The following KIAA1217 variants were observed in gnomAD, a reference collection of about 807,000 sequenced individuals.
The protein encoded by KIAA1217 is KIAA1217.
In KIAA1217, 88 loss-of-function variants were observed where a neutral mutation model predicts 163.9. The ratio of observed to expected loss-of-function variants is 0.54; its 90% CI spans 0.45 to 0.64. KIAA1217 has a LOEUF of 0.64. KIAA1217 is among the 30% of genes least tolerant of loss of function. KIAA1217 has a pLI of 0.00. For missense variants in KIAA1217, 2,372 were observed against 2,475.0 expected (o/e 0.96, Z 0.88); for synonymous variants, 903 against 923.1 (o/e 0.98, Z 0.39).
intron 3 of KIAA1217, among the ~76,000 whole-genome samples, chr10:24,391,685 G>A (rs1244895338): frequency 6.6e-6 from 1 of 152,126 alleles, no homozygotes; most frequent in Non-Finnish European, 1.5e-5. Context: ...CAGCCAGGCT[G>A]TTGTTAAACC....
At chr10:24,213,207 A>G (rs1343723021) in intron 1 of KIAA1217, among the ~76,000 whole-genome samples, 2 of 152,136 alleles carry the variant, frequency 1.3e-5, no homozygotes, top group East Asian at 3.9e-4. Context: ...GGCACTCAAC[A>G]ATTATTGGTG....
intron 2 of KIAA1217, among the ~76,000 whole-genome samples, chr10:24,057,780 T>A (rs568840279): frequency 2.0e-5 from 3 of 152,208 alleles, no homozygotes. Flanking sequence ...CCGTAGGTGT[T>A]CCTTACCTAC....
intron 1 of KIAA1217, among the ~76,000 whole-genome samples, chr10:23,954,507 G>A (rs1164743238): frequency 2.0e-5 from 3 of 151,974 alleles, no homozygotes; most frequent in Non-Finnish European, 4.4e-5. Context: ...TGACGCTGCA[G>A]TGAGCCATGA....
chr10:23,843,514 T>C (rs1447475696), intron 1 of KIAA1217, among the ~76,000 whole-genome samples: 1 of 152,136 alleles, frequency 6.6e-6, no homozygotes, highest in Non-Finnish European at 1.5e-5. Flanking sequence ...GGTCTACTAC[T>C]TGGTGCTCTT....
intron 1 of KIAA1217, among the ~76,000 whole-genome samples, chr10:23,804,996 AG>A (rs1402455679): frequency 2.6e-5 from 4 of 152,200 alleles, no homozygotes; most frequent in Non-Finnish European, 1.5e-5. Flanking sequence ...AAAAAGTAAA[AG>A]AATAACAGAT....
intron 6 of KIAA1217, among the ~76,000 whole-genome samples, chr10:24,492,217 T>C (rs988009525): frequency 6.6e-6 from 1 of 152,230 alleles, no homozygotes; most frequent in African/African-American, 2.4e-5. Flanking sequence ...TCCCATTTTT[T>C]CTGAGATGCT....
chr10:24,327,402 A>C (rs955015076), intron 2 of KIAA1217, among the ~76,000 whole-genome samples: 2 of 152,206 alleles, frequency 1.3e-5, no homozygotes, highest in Non-Finnish European at 2.9e-5. Flanking sequence ...AAAGTCCCCT[A>C]TAAGTATAAA....
At chr10:23,780,234 C>A (rs1261129052) in intron 1 of KIAA1217, among the ~76,000 whole-genome samples, 1 of 152,146 alleles carries the variant, frequency 6.6e-6, no homozygotes, top group East Asian at 1.9e-4. Flanking sequence ...CACAAGTTAA[C>A]ACATCCATTG....
intron 1 of KIAA1217, among the ~76,000 whole-genome samples, chr10:23,869,084 G>A (rs895669946): frequency 7.8e-6 from 1 of 128,256 alleles, no homozygotes; most frequent in Admixed American, 8.1e-5. Context: ...TCAGTCCAGG[G>A]TATATACATT....
chr10:24,145,751 T>C (rs997928073), intron 2 of KIAA1217, among the ~76,000 whole-genome samples: 2 of 152,306 alleles, frequency 1.3e-5, no homozygotes, highest in East Asian at 3.9e-4. Context: ...TCGTGTTAAG[T>C]CCAAGAGTCC....
intron 2 of KIAA1217, among the ~76,000 whole-genome samples, chr10:24,268,953 G>A (rs1444410990): frequency 2.8e-5 from 4 of 144,558 alleles, no homozygotes; most frequent in East Asian, 2.0e-4. Context: ...GTAAACTATC[G>A]CAAGGACAAA....
chr10:24,252,538 C>T (rs1226326759), intron 2 of KIAA1217, among the ~76,000 whole-genome samples: 32 of 152,158 alleles, frequency 2.1e-4, no homozygotes, highest in Non-Finnish European at 1.5e-5. Flanking sequence ...TCTGATTGCG[C>T]CACTGTGCCA....
intron 2 of KIAA1217, among the ~76,000 whole-genome samples, chr10:24,335,166 ACATGATTC>A (rs1407228768): frequency 3.3e-5 from 5 of 152,224 alleles, no homozygotes; most frequent in Admixed American, 6.5e-5. Context: ...ACCACCTGTT[ACATGATTC>A]CATGTATATG....
At chr10:24,150,617 A>G (rs1325028013) in intron 2 of KIAA1217, among the ~76,000 whole-genome samples, 1 of 152,206 alleles carries the variant, frequency 6.6e-6, no homozygotes, top group Non-Finnish European at 1.5e-5. Flanking sequence ...CAGGACAGAA[A>G]TCAAAATAAA....
intron 2 of KIAA1217, among the ~76,000 whole-genome samples, chr10:24,029,226 G>A (rs1848092790): frequency 6.6e-6 from 1 of 152,062 alleles, no homozygotes; most frequent in South Asian, 2.1e-4. Flanking sequence ...ACCTCATCTG[G>A]TTTTGTAAAT....
chr10:24,094,813 T>G (rs1336334098), intron 2 of KIAA1217, among the ~76,000 whole-genome samples: 1 of 152,216 alleles, frequency 6.6e-6, no homozygotes, highest in African/African-American at 2.4e-5. Context: ...TGTCTTTTTG[T>G]TTGTCTGTGC....
intron 5 of KIAA1217, among the ~76,000 whole-genome samples, chr10:24,461,018 C>A (rs2062349516): frequency 2.0e-5 from 3 of 152,194 alleles, no homozygotes; most frequent in Admixed American, 2.0e-4. Context: ...TGTGAGAAGA[C>A]ATTGACAGAC....
chr10:24,521,026 T>TAA (rs1176247725), intron 11 of KIAA1217, among the ~76,000 whole-genome samples: 3 of 88,786 alleles, frequency 3.4e-5, no homozygotes, highest in Non-Finnish European at 4.7e-5. Flanking sequence ...ACCCCATCTC[T>TAA]AAAAAAAAAA....
rs373553261 is a variant in KIAA1217, at chr10:23,992,546, G to A, written c.-320-14679G>A. 1.6e-3 allele frequency among the ~76,000 whole-genome samples: 238 copies of A among 151,914 alleles called. 1 individual carries two copies. Among genetic ancestry groups the A allele is most frequent in the African/African-American group, 5.5e-3 (226 of 41,424 alleles). On this transcript the variant is annotated intron_variant, in intron 1 of 18. Coordinates refer to the KIAA1217 transcript ENST00000376462. ...GGTTGAAGACCCCCCAGGATAAGAA[G>A]TGTTCTGCATGAGATATGTTTATTT...
Sources: allele counts gnomAD v4.1 joint callset (sites outside exome capture counted in the v4.1 genomes callset), GRCh38; gene constraint gnomAD v4.1.1; transcripts MANE v1.5; gene names NCBI Gene and HGNC (gene_info 2026-07-23, HGNC 2026-07-21).